Variants in KAT6B observed in about 807,000 individuals in gnomAD.
KAT6B encodes the protein histone acetyltransferase KAT6B.
Under a neutral mutation model 187.5 loss-of-function variants are expected in KAT6B, and 10 were observed. That is an observed-to-expected ratio of 0.05 (90% confidence interval 0.03 to 0.09). The LOEUF is 0.09. Among genes scored for constraint, KAT6B ranks in the 10% least tolerant of loss-of-function variants. The pLI, the probability that KAT6B is intolerant of heterozygous loss-of-function variation, is 1.00. For missense variants in KAT6B, 1,952 were observed against 2,558.9 expected, an observed-to-expected ratio of 0.76 and a Z score of 5.12; for synonymous variants, 861 against 926.8, an observed-to-expected ratio of 0.93 and a Z score of 1.29.
Position 75,021,979 on chromosome 10 carries a change from A to G in KAT6B, c.3120A>G (p.Gln1040=), listed in dbSNP as rs1244529911. Reference sequence around the variant, plus strand: ...GTAGGCAATCACCTGCAAAAGTACAATCGAAAAATAAATATTTGCATTCCC... The same window carrying G: ...GTAGGCAATCACCTGCAAAAGTACAGTCGAAAAATAAATATTTGCATTCCC... ...ANSRQSPAKV[Q]SKNKYLHSPE... is the part of the protein sequence containing the mutation. The change falls in exon 16 of 18, where the codon CAA becomes CAG. Residue 1040 remains glutamine (Q), a synonymous_variant. Coordinates refer to ENST00000287239, the MANE Select transcript of KAT6B (RefSeq NM_012330.4). The G allele has an allele frequency of 2.5e-6, 4 of 1,614,068 alleles. No homozygotes were observed. The highest frequency in any genetic ancestry group is 1.1e-5 in the South Asian group (1 of 91,084).
In KAT6B at chr10:74,912,491, C is replaced by CAT. The variant is rs529824122; in HGVS notation, c.622-47471_622-47470dup. Among the ~76,000 whole-genome samples the CAT allele has an allele frequency of 3.2e-3, 486 of 152,196 alleles. 1 individual carries two copies. The highest frequency in any genetic ancestry group is 6.0e-3 in the Non-Finnish European group (407 of 67,996). On this transcript the variant is annotated intron_variant, in intron 3 of 17. Coordinates refer to ENST00000287239, the MANE Select transcript of KAT6B (RefSeq NM_012330.4). ...GTAGATTTTCTATCAAGCAGTCATT[C>CAT]ATATATATAACTTCCTATATTGTTA...
chr10:74,976,191 T>C lies in KAT6B; in HGVS notation c.1854T>C (p.Ala618=). Residue 618 remains alanine (A), a synonymous_variant, in exon 8 of 18, where the codon GCT becomes GCC. Coordinates refer to ENST00000287239, the MANE Select transcript of KAT6B (RefSeq NM_012330.4). ...MARGSIFKAI[A]HFKRTTFLKK... ...GAGGAAGTATTTTTAAAGCAATTGC[T>C]CACTTCAAGCGAACAACTTTCCTTA... is the stretch of plus-strand genomic sequence containing the variant. 1 of 1,614,118 alleles carries C rather than the reference T, an allele frequency of 6.2e-7. No individual in the cohort carries two copies. Among genetic ancestry groups the C allele is most frequent in the Non-Finnish European group, 8.5e-7 (1 of 1,180,012 alleles).
chr10:74,864,744 T>G (rs1476128214), intron 3 of KAT6B, among the ~76,000 whole-genome samples: 1 of 152,182 alleles, frequency 6.6e-6, no homozygotes, highest in East Asian at 1.9e-4. Context: ...GTTAGTTGAC[T>G]CCACACATAC....
At chr10:74,971,493 G>C (rs1041279583) in intron 6 of KAT6B, among the ~76,000 whole-genome samples, 5 of 152,086 alleles carry the variant, frequency 3.3e-5, no homozygotes, top group Non-Finnish European at 5.9e-5. Context: ...AATTTTACCA[G>C]TTTGATAATA....
At chr10:74,881,010 A>G (rs1010928390) in intron 3 of KAT6B, among the ~76,000 whole-genome samples, 1 of 149,686 alleles carries the variant, frequency 6.7e-6, no homozygotes, top group Non-Finnish European at 1.5e-5. Flanking sequence ...TGCAACCTCC[A>G]CCTCCCAGGT....
chr10:74,948,703 T>G (rs1840112512), intron 3 of KAT6B, among the ~76,000 whole-genome samples: 1 of 152,274 alleles, frequency 6.6e-6, no homozygotes, highest in African/African-American at 2.4e-5. Context: ...ACAGCTCTAC[T>G]AAGTATCAGC....
At chr10:74,866,117 C>G (rs1002008436) in intron 3 of KAT6B, among the ~76,000 whole-genome samples, 1 of 151,878 alleles carries the variant, frequency 6.6e-6, no homozygotes, top group African/African-American at 2.4e-5. Flanking sequence ...TCATGTATAA[C>G]AAGGGATGAC....
At chr10:74,962,866 A>T (rs1003048934) in intron 4 of KAT6B, among the ~76,000 whole-genome samples, 1 of 130,000 alleles carries the variant, frequency 7.7e-6, no homozygotes, top group Non-Finnish European at 1.7e-5. Context: ...AAAATTCTTT[A>T]AAAAAAAAAA....
intron 3 of KAT6B, among the ~76,000 whole-genome samples, chr10:74,929,085 C>T (rs982321428): frequency 7.2e-5 from 11 of 152,142 alleles, no homozygotes; most frequent in Non-Finnish European, 1.5e-4. Context: ...CATAAGACTG[C>T]GTGGTAGTGG....
rs185314747 is a variant in KAT6B, at chr10:74,843,924, A to G, written c.621+446A>G. Among the ~76,000 whole-genome samples the G allele has an allele frequency of 7.0e-4, 106 of 152,338 alleles. 2 individuals carry two copies. The East Asian group carries it at 0.019, about 27-fold the overall frequency. On this transcript the variant is annotated intron_variant, in intron 3 of 17. Coordinates refer to ENST00000287239, the MANE Select transcript of KAT6B (RefSeq NM_012330.4). ...AATCTAGCTCTGTCGCCTAGGCTGGAGTGCAGTGGCGCAGTCTTGACTCAC... is the reference window on the plus strand; with the variant it reads ...AATCTAGCTCTGTCGCCTAGGCTGGGGTGCAGTGGCGCAGTCTTGACTCAC...
chr10:74,935,317 A>G (rs548995991), intron 3 of KAT6B, among the ~76,000 whole-genome samples: 19 of 152,354 alleles, frequency 1.2e-4, no homozygotes, highest in African/African-American at 4.3e-4. Flanking sequence ...ACTCATATAT[A>G]GCTACATAAT....
At chr10:74,903,547 C>T (rs1846545503) in intron 3 of KAT6B, among the ~76,000 whole-genome samples, 1 of 152,208 alleles carries the variant, frequency 6.6e-6, no homozygotes, top group South Asian at 2.1e-4. Context: ...GACCTCAGTC[C>T]TACAACCGCT....
At chr10:74,950,987 G>T (rs1476094146) in intron 3 of KAT6B, among the ~76,000 whole-genome samples, 1 of 151,826 alleles carries the variant, frequency 6.6e-6, no homozygotes, top group African/African-American at 2.4e-5. Flanking sequence ...TCAAAAGCTT[G>T]TCTCAAAATA....
chr10:74,967,430 T>C (rs1841559101), intron 4 of KAT6B, among the ~76,000 whole-genome samples: 2 of 152,248 alleles, frequency 1.3e-5, no homozygotes, highest in Non-Finnish European at 2.9e-5. Context: ...TTGCTTTCCT[T>C]TATCTAATTA....
intron 3 of KAT6B, among the ~76,000 whole-genome samples, chr10:74,849,494 T>C (rs922929406): frequency 9.9e-5 from 15 of 151,982 alleles, no homozygotes. Context: ...GGTTTCACCA[T>C]GTTGACCAGG....
In KAT6B at chr10:74,969,661, A is replaced by G; in HGVS notation, c.732A>G (p.Gly244=). The G allele has an allele frequency of 3.1e-6, 5 of 1,599,250 alleles. No homozygotes were observed. The highest frequency in any genetic ancestry group is 4.3e-6 in the Non-Finnish European group (5 of 1,166,532). The change falls in exon 5 of 18, where the codon GGA becomes GGG. Residue 244 remains glycine, a splice_region_variant and synonymous_variant. Transcript: ENST00000287239. ...LLSCADCGSS[G]HPSCLKFCPE... The stretch of plus-strand genomic sequence containing the variant: ...GCAATTTGCTTTTTATTCTCATAGG[A>G]CACCCATCCTGTTTGAAATTTTGTC...
chr10:74,958,668 A>C (rs766469671), intron 3 of KAT6B, among the ~76,000 whole-genome samples: 1 of 152,220 alleles, frequency 6.6e-6, no homozygotes, highest in African/African-American at 2.4e-5. Context: ...AGATTTATAC[A>C]TTGTTAAAAG....
intron 4 of KAT6B, among the ~76,000 whole-genome samples, chr10:74,961,641 T>A (rs778848032): frequency 6.6e-6 from 1 of 152,168 alleles, no homozygotes; most frequent in African/African-American, 2.4e-5. Flanking sequence ...AACAGGTAGA[T>A]CTTAGATTTT....
At chr10:75,016,604 T>C (rs1564622635) in intron 13 of KAT6B, among the ~76,000 whole-genome samples, 1 of 152,246 alleles carries the variant, frequency 6.6e-6, no homozygotes, top group Admixed American at 6.5e-5. Context: ...CCAGCACCTC[T>C]GGCTCACAGA....
Sources: allele counts gnomAD v4.1 joint callset (sites outside exome capture counted in the v4.1 genomes callset), GRCh38; gene constraint gnomAD v4.1.1; transcripts MANE v1.5; gene names NCBI Gene and HGNC (gene_info 2026-07-23, HGNC 2026-07-21).